Variants in STPG2 observed in about 807,000 individuals in gnomAD.
STPG2 encodes the protein sperm-tail PG-rich repeat-containing protein 2.
A neutral mutation model predicts 54.2 loss-of-function variants in STPG2; 56 were observed. That is an observed-to-expected ratio of 1.03 (90% CI 0.83 to 1.29). STPG2 has a LOEUF of 1.29. Ranked by LOEUF, STPG2 falls within the 50% of genes most tolerant of loss-of-function variation. The probability of loss-of-function intolerance (pLI) is 0.00; values close to 1 mark genes in which losing one functional copy is unlikely to be tolerated. For synonymous variants in STPG2, 200 were observed against 181.8 expected, an observed-to-expected ratio of 1.10 and a Z score of -0.81; for missense variants, 596 against 544.9, an observed-to-expected ratio of 1.09 and a Z score of -0.93.
chr4:97,896,918 T>C (rs1408235497), intron 8 of STPG2, among the ~76,000 whole-genome samples: 2 of 151,822 alleles, frequency 1.3e-5, no homozygotes, highest in Admixed American at 1.3e-4. Flanking sequence ...ATTTAACTTT[T>C]ATTTTAAGTT....
intron 10 of STPG2, among the ~76,000 whole-genome samples, chr4:97,563,500 T>C (rs1732322445): frequency 6.6e-6 from 1 of 152,206 alleles, no homozygotes; most frequent in South Asian, 2.1e-4. Context: ...GTGTTTGCTT[T>C]TGCTTTTCTA....
intron 8 of STPG2, among the ~76,000 whole-genome samples, chr4:97,846,304 GA>G (rs1199990589): frequency 3.3e-5 from 5 of 151,968 alleles, no homozygotes; most frequent in African/African-American, 1.2e-4. Flanking sequence ...GGAAAGAAGG[GA>G]AAAGGAACTT....
intron 5 of STPG2, among the ~76,000 whole-genome samples, chr4:98,071,927 T>C (rs941657683): frequency 1.3e-5 from 2 of 152,110 alleles, no homozygotes; most frequent in African/African-American, 4.8e-5. Context: ...GGCAAGGTTG[T>C]GGAGAGAAAA....
At chr4:97,833,961 G>GT (rs979342417) in intron 9 of STPG2, among the ~76,000 whole-genome samples, 7 of 152,154 alleles carry the variant, frequency 4.6e-5, no homozygotes, top group African/African-American at 1.7e-4. Context: ...GATTACTCAA[G>GT]TATCTAGAAC....
At position 97,954,028 on chromosome 4, in the gene STPG2, CGTTAAAA is replaced by C. The variant is rs1733573814; in HGVS notation, c.934-10028_934-10022del. Reference sequence around the variant, plus strand: ...ATATATATGGTACTAGAAATTATTACGTTAAAAATTTCCAAAACATTTTGCAGTTTTT... The same window carrying C: ...ATATATATGGTACTAGAAATTATTACATTTCCAAAACATTTTGCAGTTTTT... On this transcript the variant is annotated intron_variant, in intron 7 of 10. Transcript: ENST00000295268. Among the ~76,000 whole-genome samples the C allele has an allele frequency of 2.6e-5, 4 of 152,224 alleles. No homozygotes were observed. In the South Asian group the frequency reaches 8.3e-4, roughly 32 times the overall value.
chr4:97,647,383 T>C (rs1721941600), intron 10 of STPG2, among the ~76,000 whole-genome samples: 2 of 152,222 alleles, frequency 1.3e-5, no homozygotes, highest in South Asian at 4.1e-4. Flanking sequence ...GTGAATTAAA[T>C]AGAGATGATA....
At chr4:97,566,605 C>T (rs1404810634) in intron 10 of STPG2, among the ~76,000 whole-genome samples, 1 of 152,062 alleles carries the variant, frequency 6.6e-6, no homozygotes, top group East Asian at 1.9e-4. Flanking sequence ...CGGCACTATT[C>T]ACAACAGCAA....
chr4:97,819,102 C>T (rs1441481083), intron 9 of STPG2, among the ~76,000 whole-genome samples: 1 of 151,494 alleles, frequency 6.6e-6, no homozygotes, highest in Non-Finnish European at 1.5e-5. Flanking sequence ...ATAGAATCCA[C>T]AAATCCCCAA....
intron 9 of STPG2, among the ~76,000 whole-genome samples, chr4:97,837,725 T>C (rs563558185): frequency 1.3e-5 from 2 of 151,754 alleles, no homozygotes; most frequent in South Asian, 4.1e-4. Flanking sequence ...CTCTTAAGTA[T>C]ATTCCAAAAA....
At chr4:97,903,740 G>A (rs984259525) in intron 8 of STPG2, among the ~76,000 whole-genome samples, 6 of 152,156 alleles carry the variant, frequency 3.9e-5, no homozygotes, top group East Asian at 3.9e-4. Context: ...CAGTGGGTGC[G>A]CAAACTGTGC....
intron 10 of STPG2, among the ~76,000 whole-genome samples, chr4:97,583,530 T>A (rs1480749643): frequency 1.5e-5 from 2 of 136,586 alleles, no homozygotes; most frequent in African/African-American, 5.7e-5. Context: ...CCTAGTGTAA[T>A]CACTGCTTCT....
chr4:97,451,968 C>T (rs1729381256), intron 4 of STPG2, among the ~76,000 whole-genome samples: 1 of 152,228 alleles, frequency 6.6e-6, no homozygotes, highest in South Asian at 2.1e-4. Context: ...CAGGACTGCA[C>T]ACTCCATGGA....
rs375403148 is a variant in STPG2, at chr4:97,531,972, T to G, written c.462+180727A>C. ...AAAATGCCTGTATCAAAATATCTAA[T>G]GTACTCCATAAATATAAACACCTAC... is the stretch of plus-strand genomic sequence containing the variant. On this transcript the variant is annotated intron_variant, in intron 4 of 4. Transcript: ENST00000522676. 2.6e-5 allele frequency among the ~76,000 whole-genome samples: 4 copies of G among 152,258 alleles called. No individual in the cohort carries two copies. In the South Asian group the frequency reaches 6.2e-4, roughly 24 times the overall value.
intron 9 of STPG2, among the ~76,000 whole-genome samples, chr4:97,764,729 T>C (rs1185522012): frequency 1.3e-5 from 2 of 152,118 alleles, no homozygotes; most frequent in South Asian, 2.1e-4. Flanking sequence ...AATATTTCTG[T>C]TTTTTTCTTT....
At chr4:97,854,865 A>G (rs1450000034) in intron 8 of STPG2, among the ~76,000 whole-genome samples, 1 of 152,060 alleles carries the variant, frequency 6.6e-6, no homozygotes, top group Non-Finnish European at 1.5e-5. Flanking sequence ...TAAGCCCAGT[A>G]TCCATTAGCT....
chr4:97,848,115 T>A (rs17546687), intron 8 of STPG2, among the ~76,000 whole-genome samples: 37,810 of 152,068 alleles, frequency 0.25, 5,398 homozygotes, highest in Middle Eastern at 0.36. Flanking sequence ...CAGGAAACTC[T>A]CCTTGGCATC....
At chr4:97,792,300 T>C (rs948235332) in intron 9 of STPG2, among the ~76,000 whole-genome samples, 12 of 152,314 alleles carry the variant, frequency 7.9e-5, no homozygotes, top group Admixed American at 7.2e-4. Flanking sequence ...TTAACGTTTT[T>C]CTCTATCTCA....
At chr4:97,662,620 T>A (rs993139286) in intron 10 of STPG2, among the ~76,000 whole-genome samples, 5 of 152,154 alleles carry the variant, frequency 3.3e-5, no homozygotes, top group Admixed American at 1.3e-4. Context: ...TAGGTCCCCA[T>A]TAACAGTGGA....
intron 10 of STPG2, among the ~76,000 whole-genome samples, chr4:97,616,092 A>ATATATATATATATGTATG (rs764342142): frequency 6.3e-5 from 4 of 63,292 alleles, no homozygotes; most frequent in South Asian, 8.3e-4. Flanking sequence ...ATATATATAT[A>ATATATATATATATGTATG]TATGTATGTA....
Sources: allele counts gnomAD v4.1 joint callset (sites outside exome capture counted in the v4.1 genomes callset), GRCh38; gene constraint gnomAD v4.1.1; transcripts MANE v1.5; gene names NCBI Gene and HGNC (gene_info 2026-07-23, HGNC 2026-07-21).